The following CSMD3 variants were observed in gnomAD, a reference collection of about 807,000 sequenced individuals.
The protein encoded by CSMD3 is CUB and sushi domain-containing protein 3.
A neutral mutation model predicts 435.2 loss-of-function variants in CSMD3; 177 were observed. That is an observed-to-expected ratio of 0.41 (90% confidence interval 0.36 to 0.46). The LOEUF (loss-of-function observed/expected upper bound fraction) is 0.46. Among genes scored for constraint, CSMD3 ranks in the 20% least tolerant of loss-of-function variants. The pLI, the probability that CSMD3 is intolerant of heterozygous loss-of-function variation, is 0.34. For missense variants in CSMD3, 4,265 were observed against 4,504.6 expected (o/e 0.95, Z 1.52); for synonymous variants, 1,656 against 1,520.5 (o/e 1.09, Z -2.07).
At chr8:112,503,720 C>A (rs2130913594) in intron 30 of CSMD3, 70 bp downstream of exon 30, 1 of 1,142,762 alleles carries the variant, frequency 8.8e-7, no homozygotes, top group Non-Finnish European at 1.3e-6. Context: ...ATGGGCCATA[C>A]CAAATTATTC....
intron 9 of CSMD3, among the ~76,000 whole-genome samples, chr8:112,935,211 T>C (rs946793671): frequency 1.3e-5 from 2 of 152,096 alleles, no homozygotes; most frequent in East Asian, 3.9e-4. Flanking sequence ...CGGCTTTAAA[T>C]GCATGAGTTT....
At chr8:112,316,464 G>A (rs1822479709) in intron 47 of CSMD3, among the ~76,000 whole-genome samples, 1 of 151,538 alleles carries the variant, frequency 6.6e-6, no homozygotes, top group African/African-American at 2.4e-5. Flanking sequence ...ATGTGGCTAC[G>A]ACATATTGAA....
intron 1 of CSMD3, among the ~76,000 whole-genome samples, chr8:113,402,427 A>G (rs2094514438): frequency 6.6e-6 from 1 of 151,404 alleles, no homozygotes; most frequent in Admixed American, 6.6e-5. Context: ...GCAGATCTTC[A>G]TAACACCAAG....
intron 4 of CSMD3, among the ~76,000 whole-genome samples, chr8:113,129,253 G>C (rs2091222185): frequency 6.6e-6 from 1 of 152,094 alleles, no homozygotes; most frequent in Admixed American, 6.6e-5. Context: ...TCTTCTTGGG[G>C]GATATTCCCA....
chr8:112,854,084 C>T (rs2080577064), intron 11 of CSMD3, among the ~76,000 whole-genome samples: 1 of 152,194 alleles, frequency 6.6e-6, no homozygotes, highest in Non-Finnish European at 1.5e-5. Flanking sequence ...TATCTGTCTA[C>T]ATAGTTATTG....
chr8:112,970,191 T>C (rs975615406), intron 7 of CSMD3, among the ~76,000 whole-genome samples: 1 of 151,954 alleles, frequency 6.6e-6, no homozygotes. Flanking sequence ...ATCATGTCAT[T>C]ACATAGGTTC....
In CSMD3 at chr8:112,979,100, G is replaced by A. The variant is rs73702270; in HGVS notation, c.1031-2952C>T. ...ATCACTTTGAAAAAGTGTGGAATCT[G>A]AAGATTAAGTTGCATAAGTAATAAT... is the stretch of plus-strand genomic sequence containing the variant. On this transcript the variant is annotated intron_variant, in intron 6 of 70. Transcript: ENST00000297405. Among the ~76,000 whole-genome samples the A allele has an allele frequency of 7.8e-3, 1,180 of 151,994 alleles. 19 individuals are homozygous for A. Among genetic ancestry groups the A allele is most frequent in the African/African-American group, 0.027 (1,131 of 41,524 alleles).
chr8:113,105,085 ATTAT>A (rs1487813243), intron 4 of CSMD3, among the ~76,000 whole-genome samples: 1 of 152,110 alleles, frequency 6.6e-6, no homozygotes, highest in Non-Finnish European at 1.5e-5. Flanking sequence ...TAAAACTTAA[ATTAT>A]TTAAAGATTT....
chr8:112,224,320 AG>A lies in CSMD3; in HGVS notation c.*450del, dbSNP rs1177402947. The stretch of plus-strand genomic sequence containing the variant: ...TGGCAGATAGAGTGGTATGAAAGAC[AG>A]ATTTGTGGGCGTGATGTAGCTCAGG... On this transcript the variant is annotated 3_prime_UTR_variant, in exon 71 of 71. Coordinates refer to ENST00000297405, the MANE Select transcript of CSMD3 (RefSeq NM_198123.2). The A allele has an allele frequency of 1.8e-5, 3 of 169,136 alleles. No homozygotes were observed. The highest frequency in any genetic ancestry group is 1.7e-4 in the Admixed American group (3 of 17,522). 10.5% of individuals were successfully genotyped at this position (169,136 alleles called of 1,614,324 possible). A position where few individuals can be genotyped will look rare whatever the true frequency, so the allele number is the denominator to read the frequency against.
chr8:112,905,579 C>G (rs1048391033), intron 10 of CSMD3, among the ~76,000 whole-genome samples: 1 of 151,350 alleles, frequency 6.6e-6, no homozygotes, highest in East Asian at 2.0e-4. Flanking sequence ...GATAGTGTCT[C>G]CCTCCAGAGC....
At chr8:112,940,909 C>T (rs1411186270) in intron 9 of CSMD3, among the ~76,000 whole-genome samples, 1 of 151,760 alleles carries the variant, frequency 6.6e-6, no homozygotes, top group Non-Finnish European at 1.5e-5. Flanking sequence ...TGCAGTTTTG[C>T]TGTTTTAATC....
At chr8:112,958,320 T>G (rs1259099943) in intron 7 of CSMD3, among the ~76,000 whole-genome samples, 1 of 152,224 alleles carries the variant, frequency 6.6e-6, no homozygotes, top group Non-Finnish European at 1.5e-5. Flanking sequence ...TTTTAAAATT[T>G]TTCATTACAT....
At chr8:113,422,224 G>A (rs898792591) in intron 1 of CSMD3, among the ~76,000 whole-genome samples, 11 of 152,068 alleles carry the variant, frequency 7.2e-5, no homozygotes, top group African/African-American at 2.2e-4. Flanking sequence ...AAAATTCTAC[G>A]CGTTTTTCCT....
intron 66 of CSMD3, among the ~76,000 whole-genome samples, chr8:112,239,746 T>G (rs1277725079): frequency 6.6e-6 from 1 of 152,106 alleles, no homozygotes; most frequent in African/African-American, 2.4e-5. Context: ...ATTTCATTAA[T>G]CTACTCTCTA....
At chr8:113,354,908 G>A (rs1293029043) in intron 1 of CSMD3, among the ~76,000 whole-genome samples, 1 of 152,040 alleles carries the variant, frequency 6.6e-6, no homozygotes, top group East Asian at 1.9e-4. Flanking sequence ...CAAAATGCTG[G>A]GATTACAGGC....
chr8:112,246,131 T>C (rs926547003), intron 64 of CSMD3, among the ~76,000 whole-genome samples: 1 of 152,152 alleles, frequency 6.6e-6, no homozygotes, highest in African/African-American at 2.4e-5. Context: ...GAATTTTCCA[T>C]ATTTAAATAT....
rs73338187 is a variant in CSMD3, at chr8:112,741,983, T to C, written c.1973-51933A>G. Among the ~76,000 whole-genome samples the C allele has an allele frequency of 3.0e-3, 460 of 151,994 alleles. 2 individuals carry two copies. Among genetic ancestry groups the C allele is most frequent in the African/African-American group, 0.01 (426 of 41,526 alleles). ...GAAAGAGCAATAGAATTAATAGGCT[T>C]GACAGAAATAAACAGGAATAACTCT... On this transcript the variant is annotated intron_variant, in intron 13 of 70. Transcript: ENST00000297405.
At chr8:112,596,384 C>A (rs935998994) in intron 22 of CSMD3, among the ~76,000 whole-genome samples, 1 of 151,830 alleles carries the variant, frequency 6.6e-6, no homozygotes, top group Non-Finnish European at 1.5e-5. Flanking sequence ...GAGTGACCTA[C>A]AAAGAGACTT....
At chr8:112,302,038 G>A (rs983200174) in intron 52 of CSMD3, 72 bp from the exon 53 acceptor site, 4 of 1,048,576 alleles carry the variant, frequency 3.8e-6, no homozygotes, top group Non-Finnish European at 1.4e-6. Context: ...ACTGTGCTTT[G>A]AACATTTTGA....
Sources: gnomAD v4.1 joint callset for allele counts (sites outside exome capture counted in the v4.1 genomes callset) on GRCh38, gnomAD v4.1.1 for gene constraint, MANE v1.5 for transcripts, NCBI Gene and HGNC (gene_info 2026-07-23, HGNC 2026-07-21) for gene names.